The following ME3 variants were observed in gnomAD, a reference collection of about 807,000 sequenced individuals.
ME3 encodes NADP-dependent malic enzyme, mitochondrial.
In ME3, 48 loss-of-function variants were observed where a neutral mutation model predicts 68.9. That is an observed-to-expected ratio of 0.70 (90% CI 0.55 to 0.89). ME3 has a LOEUF of 0.89. ME3 is among the 40% of genes least tolerant of loss of function. The pLI is 0.00. For missense variants in ME3, 675 were observed against 797.4 expected, an observed-to-expected ratio of 0.85 and a Z score of 1.85; for synonymous variants, 320 against 318.8, an observed-to-expected ratio of 1.00 and a Z score of -0.04.
intron 2 of ME3, among the ~76,000 whole-genome samples, chr11:86,599,320 C>G (rs1960163380): frequency 6.6e-6 from 1 of 152,058 alleles, no homozygotes; most frequent in African/African-American, 2.4e-5. Context: ...GCCTCTGGAG[C>G]CGATGCAATC....
chr11:86,567,564 A>T (rs1957555731), intron 2 of ME3, among the ~76,000 whole-genome samples: 1 of 152,206 alleles, frequency 6.6e-6, no homozygotes, highest in Admixed American at 6.5e-5. Context: ...TTTGTTAATG[A>T]TCACTGTGGC....
chr11:86,537,074 G>A (rs1326953527), intron 4 of ME3, among the ~76,000 whole-genome samples: 1 of 149,176 alleles, frequency 6.7e-6, no homozygotes. Flanking sequence ...CTCATAGGTG[G>A]GAATTGAACA....
chr11:86,655,249 T>G (rs1490706268), intron 2 of ME3, among the ~76,000 whole-genome samples: 8 of 152,092 alleles, frequency 5.3e-5, no homozygotes, highest in Non-Finnish European at 8.8e-5. Flanking sequence ...AAAAACTACT[T>G]TAAAGTTCAT....
chr11:86,624,704 G>T (rs1236715245), intron 2 of ME3, among the ~76,000 whole-genome samples: 1 of 152,200 alleles, frequency 6.6e-6, no homozygotes, highest in African/African-American at 2.4e-5. Flanking sequence ...ATAAATGTTT[G>T]TTAAACATAC....
intron 6 of ME3, among the ~76,000 whole-genome samples, chr11:86,490,069 C>G (rs903328822): frequency 6.6e-6 from 1 of 152,104 alleles, no homozygotes. Context: ...TGCATACCAA[C>G]AAGAATCAAT....
intron 3 of ME3, among the ~76,000 whole-genome samples, chr11:86,557,108 T>C (rs532000316): frequency 6.6e-6 from 1 of 152,310 alleles, no homozygotes; most frequent in East Asian, 1.9e-4. Flanking sequence ...TCAAGATGCT[T>C]ATGATATTAT....
intron 2 of ME3, among the ~76,000 whole-genome samples, chr11:86,604,279 A>G (rs1335637232): frequency 6.6e-6 from 1 of 151,974 alleles, no homozygotes; most frequent in Non-Finnish European, 1.5e-5. Context: ...GAGGGGCAAA[A>G]TGGGGCATGT....
intron 2 of ME3, among the ~76,000 whole-genome samples, chr11:86,611,854 CA>C (rs1942602699): frequency 6.6e-6 from 1 of 152,172 alleles, no homozygotes; most frequent in East Asian, 1.9e-4. Context: ...GGAACAAAGA[CA>C]ATACACCAAT....
chr11:86,535,773 A>T (rs1367565369), intron 4 of ME3, among the ~76,000 whole-genome samples: 1 of 152,224 alleles, frequency 6.6e-6, no homozygotes, highest in Admixed American at 6.5e-5. Flanking sequence ...AAACAAAGTT[A>T]TAGAGTTAGA....
At chr11:86,476,966 C>T (rs369034666) in intron 7 of ME3, among the ~76,000 whole-genome samples, 2 of 152,214 alleles carry the variant, frequency 1.3e-5, no homozygotes, top group South Asian at 2.1e-4. Context: ...AACATGAATG[C>T]GTGAATGTGG....
At chr11:86,640,695 C>G (rs1166418239) in intron 2 of ME3, among the ~76,000 whole-genome samples, 1 of 152,222 alleles carries the variant, frequency 6.6e-6, no homozygotes, top group African/African-American at 2.4e-5. Flanking sequence ...GATCCTCATT[C>G]TTCTCTCTCA....
intron 4 of ME3, among the ~76,000 whole-genome samples, chr11:86,550,874 G>T (rs7927796): frequency 6.6e-6 from 1 of 152,044 alleles, no homozygotes; most frequent in Non-Finnish European, 1.5e-5. Context: ...CAAAGTGTTG[G>T]CATTCATTGG....
intron 2 of ME3, among the ~76,000 whole-genome samples, chr11:86,564,015 G>A (rs954825184): frequency 1.3e-5 from 2 of 152,114 alleles, no homozygotes; most frequent in African/African-American, 4.8e-5. Context: ...GAATAGCATT[G>A]AATTTGTACA....
intron 4 of ME3, 69 bp downstream of exon 4, chr11:86,556,484 A>C (rs1425980214): frequency 9.1e-6 from 14 of 1,530,488 alleles, no homozygotes; most frequent in Non-Finnish European, 4.4e-6. Flanking sequence ...ATATGCATGA[A>C]GGGCGGAAAG....
chr11:86,509,559 T>C (rs903271633), intron 4 of ME3, among the ~76,000 whole-genome samples: 1 of 152,248 alleles, frequency 6.6e-6, no homozygotes, highest in Non-Finnish European at 1.5e-5. Context: ...CAGTCCAATC[T>C]GCAGGCAACT....
At chr11:86,455,460 A>G (rs1017147074) in intron 8 of ME3, among the ~76,000 whole-genome samples, 2 of 152,244 alleles carry the variant, frequency 1.3e-5, no homozygotes, top group African/African-American at 2.4e-5. Flanking sequence ...AATGATTACA[A>G]GTGTGATGGC....
intron 4 of ME3, among the ~76,000 whole-genome samples, chr11:86,545,571 C>G (rs1374068526): frequency 6.6e-6 from 1 of 152,086 alleles, no homozygotes; most frequent in African/African-American, 2.4e-5. Context: ...ATAATTGCTA[C>G]AAAGAGAATA....
At chr11:86,596,295 T>A (rs1170826834) in intron 2 of ME3, among the ~76,000 whole-genome samples, 1 of 152,180 alleles carries the variant, frequency 6.6e-6, no homozygotes, top group Non-Finnish European at 1.5e-5. Flanking sequence ...CATACTGAAT[T>A]TCAGTCTCTT....
At chr11:86,447,553 T>C (rs909686481) in intron 11 of ME3, among the ~76,000 whole-genome samples, 1 of 151,986 alleles carries the variant, frequency 6.6e-6, no homozygotes. Flanking sequence ...TCATTGTGGT[T>C]AGAGAGACCA....
Sources: allele counts gnomAD v4.1 joint callset (sites outside exome capture counted in the v4.1 genomes callset), GRCh38; gene constraint gnomAD v4.1.1; transcripts MANE v1.5; gene names NCBI Gene and HGNC (gene_info 2026-07-23, HGNC 2026-07-21).